Variants in TACC2 observed in about 807,000 individuals in gnomAD.
The protein encoded by TACC2 is transforming acidic coiled-coil containing protein 2.
Under a neutral mutation model 227.3 loss-of-function variants are expected in TACC2, and 137 were observed. That is an observed-to-expected ratio of 0.60 (90% CI 0.52 to 0.69). The LOEUF (loss-of-function observed/expected upper bound fraction) is 0.69. TACC2 is among the 30% of genes least tolerant of loss of function. TACC2 has a pLI of 0.00. For missense variants in TACC2, 3,470 were observed against 3,694.4 expected (o/e 0.94, Z 1.57); for synonymous variants, 1,523 against 1,487.5 (o/e 1.02, Z -0.55).
intron 16 of TACC2, among the ~76,000 whole-genome samples, chr10:122,234,582 C>T (rs918895617): frequency 6.6e-5 from 10 of 152,186 alleles, no homozygotes; most frequent in African/African-American, 2.4e-4. Flanking sequence ...CATCAACATG[C>T]AGATACTCAG....
At chr10:122,243,253 GT>G (rs1201479896) in intron 19 of TACC2, among the ~76,000 whole-genome samples, 1 of 152,004 alleles carries the variant, frequency 6.6e-6, no homozygotes, top group East Asian at 1.9e-4. Flanking sequence ...CCGATAACCA[GT>G]TTTTTTTCTT....
chr10:122,067,887 T>A (rs2077564392), intron 3 of TACC2, among the ~76,000 whole-genome samples: 1 of 152,148 alleles, frequency 6.6e-6, no homozygotes, highest in Non-Finnish European at 1.5e-5. Flanking sequence ...TATTTGGAGA[T>A]TTTTCAGTCA....
chr10:122,087,128 G>T lies in TACC2; in HGVS notation c.4628G>T (p.Gly1543Val). The change falls in exon 4 of 23, where the codon GGC becomes GTC. Residue 1543 changes from glycine (G) to valine (V), a missense_variant. Gly to Val is a moderately radical substitution (Grantham distance 109). Coordinates refer to ENST00000369005, the MANE Select transcript of TACC2 (RefSeq NM_206862.4). ...GPGAAWPGLE[G>V]QAYSQLERSR... ...GGGGCAGCCTGGCCAGGCCTGGAAGGCCAGGCTTACTCACAGCTGGAGAGG... is the reference window on the plus strand; with the variant it reads ...GGGGCAGCCTGGCCAGGCCTGGAAGTCCAGGCTTACTCACAGCTGGAGAGG... 2 of 1,610,282 alleles carry T rather than the reference G, an allele frequency of 1.2e-6. No homozygotes were observed. Among genetic ancestry groups the T allele is most frequent in the Middle Eastern group, 1.7e-4 (1 of 6,032 alleles).
At chr10:122,069,671 T>A (rs1235753117) in intron 3 of TACC2, among the ~76,000 whole-genome samples, 2 of 152,164 alleles carry the variant, frequency 1.3e-5, no homozygotes, top group Non-Finnish European at 2.9e-5. Context: ...CAACCTAGGC[T>A]CTCTGAAAAC....
At chr10:122,145,112 G>T (rs1167257776) in intron 7 of TACC2, among the ~76,000 whole-genome samples, 1 of 152,172 alleles carries the variant, frequency 6.6e-6, no homozygotes, top group East Asian at 1.9e-4. Flanking sequence ...CAAATATTCT[G>T]CCCTTCAGTT....
At chr10:122,132,856 GCA>G (rs1369439650) in intron 6 of TACC2, 122 bp downstream of exon 6, 99 of 992,514 alleles carry the variant, frequency 1.0e-4, no homozygotes, top group East Asian at 1.6e-4. Context: ...CACCCCCTCT[GCA>G]CACACACACA....
rs185519087 is a variant in TACC2, at chr10:122,242,117, G to A, written c.8392+116G>A. ...TCTGGTAGAGCGTGAAGCCTTTCAG[G>A]GAAGGACCAGAGCATTCCAGAAAAT... On this transcript the variant is annotated intron_variant, in intron 19 of 22. Coordinates refer to ENST00000369005, the MANE Select transcript of TACC2 (RefSeq NM_206862.4). 4,568 of 959,132 alleles carry A rather than the reference G, an allele frequency of 4.8e-3. 11 individuals are homozygous for A. Among genetic ancestry groups the A allele is most frequent in the Non-Finnish European group, 6.1e-3 (3,581 of 591,274 alleles). 59.4% of individuals were successfully genotyped at this position (959,132 alleles called of 1,614,324 possible).
intron 7 of TACC2, among the ~76,000 whole-genome samples, chr10:122,193,870 G>C (rs141193711): frequency 1.3e-5 from 2 of 152,034 alleles, no homozygotes; most frequent in African/African-American, 4.8e-5. Context: ...TTGAGTCACC[G>C]GTGGAAGCAG....
intron 3 of TACC2, among the ~76,000 whole-genome samples, chr10:122,066,431 G>A (rs779391476): frequency 6.6e-6 from 1 of 152,106 alleles, no homozygotes; most frequent in Non-Finnish European, 1.5e-5. Context: ...ACCACACCCA[G>A]CTAATTTTTG....
intron 7 of TACC2, among the ~76,000 whole-genome samples, chr10:122,156,579 T>G (rs1168512785): frequency 6.6e-6 from 1 of 152,234 alleles, no homozygotes; most frequent in East Asian, 1.9e-4. Flanking sequence ...TCTTTCATCT[T>G]CACGTTCTCT....
intron 7 of TACC2, among the ~76,000 whole-genome samples, chr10:122,177,458 G>A (rs952924852): frequency 1.3e-5 from 2 of 152,090 alleles, no homozygotes; most frequent in African/African-American, 4.8e-5. Context: ...AATCCCAGCT[G>A]CTTGGGAGGC....
At chr10:122,175,235 A>G (rs527538306) in intron 7 of TACC2, among the ~76,000 whole-genome samples, 6 of 152,350 alleles carry the variant, frequency 3.9e-5, no homozygotes, top group Admixed American at 2.0e-4. Flanking sequence ...GATTACAGGC[A>G]TGAGTCACTG....
rs5788528 is a variant in TACC2 at position 122,032,972 on chromosome 10, AAACAACAACAAC to A, written c.33+10976_33+10987del. 6.0e-4 allele frequency: 275 copies of A among 461,312 alleles called. 1 individual carries two copies. The highest frequency in any genetic ancestry group is 3.6e-3 in the African/African-American group (169 of 47,414). 28.6% of individuals were successfully genotyped at this position (461,312 alleles called of 1,614,324 possible). On this transcript the variant is annotated intron_variant, in intron 2 of 22. Transcript: ENST00000369005. ...AAGACTCTGTCTCAACAAAACAACAAAACAACAACAACAACAACAACAACAACAAAAACAAAA... is the reference window on the plus strand; with the variant it reads ...AAGACTCTGTCTCAACAAAACAACAAAACAACAACAACAACAAAAACAAAA...
rs759272845 is a variant in TACC2, at chr10:122,216,841, G to T, written c.7546+13G>T. The T allele has an allele frequency of 1.1e-5, 18 of 1,614,032 alleles. No individual in the cohort carries two copies. Among genetic ancestry groups the T allele is most frequent in the Non-Finnish European group, 1.4e-5 (16 of 1,180,028 alleles). On this transcript the variant is annotated intron_variant, in intron 11 of 22. Transcript: ENST00000369005. ...TCACCCACTGAGGGTAAGCAACTCT[G>T]TAGCCAGCTGGACCCCCACTCTGCC...
Position 122,209,450 on chromosome 10 carries a change from G to A in TACC2, c.5972-947G>A, listed in dbSNP as rs917781115. Among the ~76,000 whole-genome samples, 4 of 152,100 alleles carry A rather than the reference G, an allele frequency of 2.6e-5. No individual in the cohort carries two copies. The highest frequency in any genetic ancestry group is 9.7e-5 in the African/African-American group (4 of 41,416). On this transcript the variant is annotated intron_variant, in intron 8 of 22. Coordinates refer to ENST00000369005, the MANE Select transcript of TACC2 (RefSeq NM_206862.4). The surrounding 1 kb of genome is among the most constrained non-coding windows in gnomAD (Gnocchi z 4.5). ...TTGCTTTAGCCACACTGGCCTCCTC[G>A]CTGTTTCTGTAACGCACCAGGTGCT... is the stretch of plus-strand genomic sequence containing the variant.
rs1343066591 is a variant in TACC2 at position 121,995,257 on chromosome 10, G to A, written c.-46+5769G>A. On this transcript the variant is annotated intron_variant, in intron 1 of 22. Coordinates refer to ENST00000369005, the MANE Select transcript of TACC2 (RefSeq NM_206862.4). ...GAGCCGCCGTGTGATCTTGGCAAAC[G>A]CTGTGTTTCTGAGTTTGACTTGGTG... Among the ~76,000 whole-genome samples, 5 of 152,200 alleles carry A rather than the reference G, an allele frequency of 3.3e-5. No individual in the cohort carries two copies. The South Asian group carries it at 8.3e-4, about 25-fold the overall frequency.
intron 3 of TACC2, among the ~76,000 whole-genome samples, chr10:122,055,332 A>G (rs1210660151): frequency 6.6e-6 from 1 of 152,206 alleles, no homozygotes; most frequent in Non-Finnish European, 1.5e-5. Flanking sequence ...AGTGAAAAAC[A>G]TGTTAGGGCA....
intron 5 of TACC2, chr10:122,088,880 G>A: frequency 1.2e-6 from 1 of 820,358 alleles, no homozygotes; most frequent in Non-Finnish European, 1.9e-6. Flanking sequence ...CAACACTTTG[G>A]GAGGTCGAGG....
rs1161584714 is a variant in TACC2 at position 122,082,846 on chromosome 10, T to C, written c.346T>C (p.Cys116Arg). The C allele has an allele frequency of 2.5e-6, 4 of 1,613,346 alleles. No homozygotes were observed. Among genetic ancestry groups the C allele is most frequent in the Admixed American group, 3.3e-5 (2 of 59,980 alleles). ...HPSSSMPFAECPPEGCLASPA... is the reference protein window; with the variant it reads ...HPSSSMPFAERPPEGCLASPA... ...CTCGTCCTCCATGCCCTTTGCCGAGTGTCCCCCGGAAGGTTGCTTGGCAAG... is the reference window on the plus strand; with the variant it reads ...CTCGTCCTCCATGCCCTTTGCCGAGCGTCCCCCGGAAGGTTGCTTGGCAAG... Residue 116 changes from cysteine to arginine, a missense_variant, in exon 4 of 23, where the codon TGT becomes CGT. Physicochemically the swap from Cys to Arg is radical, Grantham distance 180. This residue lies in a region of TACC2 where 405 missense variants were observed against 389.6 expected (regional missense o/e 1.04). Coordinates refer to ENST00000369005, the MANE Select transcript of TACC2 (RefSeq NM_206862.4).
Sources: allele counts gnomAD v4.1 joint callset (sites outside exome capture counted in the v4.1 genomes callset), GRCh38; gene constraint gnomAD v4.1.1; regional missense constraint gnomAD v4.1.1; non-coding constraint Gnocchi (gnomAD v3.1); transcripts MANE v1.5; gene names NCBI Gene and HGNC (gene_info 2026-07-23, HGNC 2026-07-21).